Variants in CD58 observed in about 807,000 individuals in gnomAD.
The protein encoded by CD58 is lymphocyte function-associated antigen 3.
CD58 carries 14 observed loss-of-function variants against 27.6 expected under a neutral mutation model. That is an observed-to-expected ratio of 0.51 (90% CI 0.34 to 0.79). The LOEUF is 0.79. Among genes scored for constraint, CD58 ranks in the 30% least tolerant of loss-of-function variants. The pLI, the probability that CD58 is intolerant of heterozygous loss-of-function variation, is 0.02. For missense variants in CD58, 268 were observed against 301.7 expected (o/e 0.89, Z 0.83); for synonymous variants, 117 against 103.8 (o/e 1.13, Z -0.77).
chr1:116,522,561 G>A lies in CD58; in HGVS notation c.629-578C>T, dbSNP rs563879098. ...AAAATCTTATGACTAGAGGCTCACA[G>A]GAACCTACCCCTGTATTTCCCCCAG... On this transcript the variant is annotated intron_variant, in intron 3 of 5. Coordinates refer to ENST00000369489, the MANE Select transcript of CD58 (RefSeq NM_001779.3). The surrounding 1 kb of genome is among the most constrained non-coding windows in gnomAD (Gnocchi z 4.6). 6.6e-6 allele frequency among the ~76,000 whole-genome samples: 1 copy of A among 152,254 alleles called. No individual in the cohort carries two copies. The highest frequency in any genetic ancestry group is 2.4e-5 in the African/African-American group (1 of 41,540).
chr1:116,518,882 A>G (rs1287629969), intron 5 of CD58: 4 of 1,117,246 alleles, frequency 3.6e-6, no homozygotes, highest in Non-Finnish European at 4.5e-6. Flanking sequence ...CTTGGAGTCC[A>G]AAGACCTAGA....
chr1:116,547,233 C>T (rs1350519127), intron 1 of CD58, among the ~76,000 whole-genome samples: 1 of 151,808 alleles, frequency 6.6e-6, no homozygotes, highest in African/African-American at 2.4e-5. Context: ...TAAGTTAGAA[C>T]ATATGTTTGG....
intron 2 of CD58, among the ~76,000 whole-genome samples, chr1:116,537,551 TGTG>T (rs1244016886): frequency 6.6e-6 from 1 of 152,208 alleles, no homozygotes; most frequent in Admixed American, 6.5e-5. Context: ...GGGAGCAGCA[TGTG>T]TCACAGACCT....
rs777484139 is a variant in CD58, at chr1:116,544,419, C to T, written c.256G>A (p.Val86Met). 1.9e-6 allele frequency: 3 copies of T among 1,613,650 alleles called. No homozygotes were observed. The highest frequency in any genetic ancestry group is 2.7e-5 in the African/African-American group (2 of 74,926). Residue 86 changes from valine to methionine, a missense_variant, in exon 2 of 6, where the codon GTG (valine) becomes ATG (methionine). By Grantham distance (21) the Val-to-Met change is conservative (BLOSUM62 1). Coordinates refer to ENST00000369489, the MANE Select transcript of CD58 (RefSeq NM_001779.3). ...TTGTAGATAGTGAGGCTACCTGACA[C>T]AGTGTCTAAATAAACCCTATTTTTA... Reference protein sequence around the residue: ...SFKNRVYLDTVSGSLTIYNLT... With the variant: ...SFKNRVYLDTMSGSLTIYNLT...
chr1:116,546,236 A>G lies in CD58; in HGVS notation c.71-1632T>C, dbSNP rs979385105. ...TAAAGAGCAATTAAAATTTGACTGA[A>G]GTTTTTGCCTAGTAGCAATTAGGGT... On this transcript the variant is annotated intron_variant, in intron 1 of 5. Coordinates refer to ENST00000369489, the MANE Select transcript of CD58 (RefSeq NM_001779.3). The surrounding 1 kb of genome is among the most constrained non-coding windows in gnomAD (Gnocchi z 4.1). 6.6e-6 allele frequency among the ~76,000 whole-genome samples: 1 copy of G among 152,244 alleles called. No individual in the cohort carries two copies. The highest frequency in any genetic ancestry group is 2.4e-5 in the African/African-American group (1 of 41,462).
At position 116,518,950 on chromosome 1, in the gene CD58, T is replaced by C; in HGVS notation, c.743+281A>G. The C allele has an allele frequency of 4.1e-6, 4 of 975,526 alleles. No homozygotes were observed. The South Asian group carries it at 9.2e-5, about 22-fold the overall frequency. 60.4% of individuals were successfully genotyped at this position (975,526 alleles called of 1,614,324 possible). ...TGACTTTGATATCTCACTTGACTTC[T>C]ATGAATCTCATATGCGCTGTCTCTA... On this transcript the variant is annotated intron_variant, in intron 5 of 5. Transcript: ENST00000369489.
rs1657306391 is a variant in CD58 at position 116,522,829 on chromosome 1, A to G, written c.629-846T>C. 6.6e-6 allele frequency among the ~76,000 whole-genome samples: 1 copy of G among 152,014 alleles called. No individual in the cohort carries two copies. Among genetic ancestry groups the G allele is most frequent in the African/African-American group, 2.4e-5 (1 of 41,286 alleles). ...TAGGGCAATTCTGGCAGTTGTATATAATAAGCCTTAAAAATATTTATCATG... is the reference window on the plus strand; with the variant it reads ...TAGGGCAATTCTGGCAGTTGTATATGATAAGCCTTAAAAATATTTATCATG... On this transcript the variant is annotated intron_variant, in intron 3 of 5. Coordinates refer to ENST00000369489, the MANE Select transcript of CD58 (RefSeq NM_001779.3). The surrounding 1 kb of genome is among the most constrained non-coding windows in gnomAD (Gnocchi z 4.6).
At position 116,547,581 on chromosome 1, in the gene CD58, G is replaced by C. The variant is rs564483462; in HGVS notation, c.71-2977C>G. On this transcript the variant is annotated intron_variant, in intron 1 of 5. Coordinates refer to ENST00000369489, the MANE Select transcript of CD58 (RefSeq NM_001779.3). ...CCTGACCTCGTGATCTGCCCGCCTT[G>C]GCCTCCCAAAGTGCTGGGATTACAG... Among the ~76,000 whole-genome samples, 49 of 151,966 alleles carry C rather than the reference G, an allele frequency of 3.2e-4. 1 individual carries two copies. The highest frequency in any genetic ancestry group is 1.8e-3 in the Admixed American group (27 of 15,262).
intron 5 of CD58, chr1:116,518,762 A>T (rs10802190): frequency 0.12 from 117,579 of 995,742 alleles, 8,843 homozygotes; most frequent in East Asian, 0.56. Context: ...TTTATATGTG[A>T]CTACAGGCCC....
chr1:116,554,521 A>C (rs559711517), intron 1 of CD58, among the ~76,000 whole-genome samples: 1 of 151,974 alleles, frequency 6.6e-6, no homozygotes, highest in South Asian at 2.1e-4. Context: ...CCCTGTCTCT[A>C]CCAAAAAATA....
At chr1:116,561,777 G>T (rs576135258) in intron 1 of CD58, among the ~76,000 whole-genome samples, 3 of 152,292 alleles carry the variant, frequency 2.0e-5, no homozygotes, top group Admixed American at 2.0e-4. Flanking sequence ...CCACTTATTT[G>T]CTGTGTGAAC....
At chr1:116,542,124 C>T (rs1022122408) in intron 2 of CD58, among the ~76,000 whole-genome samples, 1 of 152,132 alleles carries the variant, frequency 6.6e-6, no homozygotes, top group Non-Finnish European at 1.5e-5. Context: ...ACTAAAAATA[C>T]AAAATTAGCC....
intron 3 of CD58, chr1:116,533,761 G>T (rs1657696868): frequency 5.6e-6 from 4 of 713,272 alleles, no homozygotes. Context: ...AACATCACCG[G>T]TGATAAATTC....
intron 1 of CD58, among the ~76,000 whole-genome samples, chr1:116,568,517 T>A (rs1259373506): frequency 6.6e-6 from 1 of 152,226 alleles, no homozygotes; most frequent in East Asian, 1.9e-4. Context: ...TAGTAAATGT[T>A]TACTTTATCA....
rs533846634 is a variant in CD58 at position 116,534,767 on chromosome 1, G to A, written c.628+1198C>T. ...ATAACTTTAATGGCTTTAAGTTATTGTTTGAAAGGGTTCAGAAAAGACAAT... is the reference window on the plus strand; with the variant it reads ...ATAACTTTAATGGCTTTAAGTTATTATTTGAAAGGGTTCAGAAAAGACAAT... On this transcript the variant is annotated intron_variant, in intron 3 of 5. Coordinates refer to ENST00000369489, the MANE Select transcript of CD58 (RefSeq NM_001779.3). The surrounding 1 kb of genome is among the most constrained non-coding windows in gnomAD (Gnocchi z 5.3). 6.6e-6 allele frequency among the ~76,000 whole-genome samples: 1 copy of A among 152,334 alleles called. No homozygotes were observed. The highest frequency in any genetic ancestry group is 1.5e-5 in the Non-Finnish European group (1 of 68,028).
In CD58 at chr1:116,514,822, G is replaced by A; in HGVS notation, c.744C>T (p.Asn248=). 6.4e-7 allele frequency: 1 copy of A among 1,558,606 alleles called. No homozygotes were observed. The change falls in exon 6 of 6, where the codon AAC becomes AAT. Residue 248 remains asparagine, a splice_region_variant and synonymous_variant. Transcript: ENST00000369489. ...CATCTTCTGTTACCAATCAATTGGA[G>A]CTACAAAAAAAAATCATATTATTAA... ...LKCDRKPDRT[N]SN
intron 1 of CD58, among the ~76,000 whole-genome samples, chr1:116,560,922 G>T (rs1658730389): frequency 6.6e-6 from 1 of 152,186 alleles, no homozygotes; most frequent in Admixed American, 6.5e-5. Context: ...TGGAAGTTGA[G>T]ATTTGTCATT....
chr1:116,521,796 C>A lies in CD58; in HGVS notation c.706+110G>T. ...ACGTAAAGCAAAAAAGTTTTTGTTT[C>A]TTTTCAAATGTCTAAAATTTCAAAC... On this transcript the variant is annotated intron_variant, in intron 4 of 5. Transcript: ENST00000369489. The surrounding 1 kb of genome is among the most constrained non-coding windows in gnomAD (Gnocchi z 5.6). The A allele has an allele frequency of 2.7e-6, 2 of 753,500 alleles. No homozygotes were observed. Among genetic ancestry groups the A allele is most frequent in the Non-Finnish European group, 4.5e-6 (2 of 443,716 alleles). 46.7% of individuals were successfully genotyped at this position (753,500 alleles called of 1,614,324 possible).
intron 1 of CD58, among the ~76,000 whole-genome samples, chr1:116,547,492 A>AT (rs553970415): frequency 1.1e-3 from 165 of 148,026 alleles, no homozygotes; most frequent in East Asian, 2.8e-3. Context: ...TGCCCGGCTA[A>AT]TTTTTTTTTT....
Sources: allele counts gnomAD v4.1 joint callset (sites outside exome capture counted in the v4.1 genomes callset), GRCh38; gene constraint gnomAD v4.1.1; non-coding constraint Gnocchi (gnomAD v3.1); transcripts MANE v1.5; gene names NCBI Gene and HGNC (gene_info 2026-07-23, HGNC 2026-07-21).